Variants in IMMP2L observed in about 807,000 individuals in gnomAD.
IMMP2L encodes the protein mitochondrial inner membrane protease subunit 2.
A neutral mutation model predicts 19.3 loss-of-function variants in IMMP2L; 18 were observed. The ratio of observed to expected loss-of-function variants is 0.93; its 90% CI spans 0.64 to 1.38. The LOEUF is 1.38. Among genes scored for constraint, IMMP2L ranks in the 40% most tolerant of loss-of-function variants. IMMP2L has a pLI of 0.00. For missense variants in IMMP2L, 233 were observed against 218.2 expected, an observed-to-expected ratio of 1.07 and a Z score of -0.43; for synonymous variants, 76 against 73.0, an observed-to-expected ratio of 1.04 and a Z score of -0.21.
chr7:110,825,430 C>T (rs1438325517), intron 5 of IMMP2L, among the ~76,000 whole-genome samples: 1 of 152,138 alleles, frequency 6.6e-6, no homozygotes, highest in Non-Finnish European at 1.5e-5. Context: ...TACCTGACTT[C>T]AAACTATACT....
intron 3 of IMMP2L, among the ~76,000 whole-genome samples, chr7:111,461,766 G>A (rs147441764): frequency 6.6e-4 from 100 of 152,096 alleles, no homozygotes; most frequent in Non-Finnish European, 1.3e-3. Flanking sequence ...CTACAGGAAT[G>A]TTTTTCATAT....
At position 111,122,071 on chromosome 7, in the gene IMMP2L, G is replaced by A. The variant is rs527338173; in HGVS notation, c.240-158506C>T. ...AGGAAGGGGAACATCACACACCGGG[G>A]CCTGTTGTGGGGTGGGGGGAGGGAT... On this transcript the variant is annotated intron_variant, in intron 3 of 5. Coordinates refer to ENST00000405709, the MANE Select transcript of IMMP2L (RefSeq NM_032549.4). Among the ~76,000 whole-genome samples, 3 of 140,594 alleles carry A rather than the reference G, an allele frequency of 2.1e-5. No homozygotes were observed. The East Asian group carries it at 6.8e-4, about 32-fold the overall frequency. 92.2% of individuals were successfully genotyped at this position (140,594 alleles called of 152,430 possible).
chr7:111,403,008 CGCCAGGCTCAGGTGATCCT>C (rs1563149356), intron 3 of IMMP2L, among the ~76,000 whole-genome samples: 5 of 117,830 alleles, frequency 4.2e-5, no homozygotes, highest in African/African-American at 1.8e-4. Flanking sequence ...CCCCCCACCC[CGCCAGGCTCAGGTGATCCT>C]CCCACCTCAG....
intron 3 of IMMP2L, among the ~76,000 whole-genome samples, chr7:111,338,780 T>C (rs1257177595): frequency 6.6e-6 from 1 of 152,064 alleles, no homozygotes; most frequent in Non-Finnish European, 1.5e-5. Flanking sequence ...GAGAAAGAAC[T>C]AGCAATAGAA....
At chr7:111,081,876 G>C (rs1795912877) in intron 3 of IMMP2L, among the ~76,000 whole-genome samples, 2 of 152,186 alleles carry the variant, frequency 1.3e-5, no homozygotes, top group South Asian at 4.1e-4. Flanking sequence ...ATACTGTAAT[G>C]AAAGTCCCGC....
chr7:110,812,435 G>A (rs1802112284), intron 5 of IMMP2L, among the ~76,000 whole-genome samples: 1 of 151,968 alleles, frequency 6.6e-6, no homozygotes, highest in Admixed American at 6.6e-5. Context: ...TGGAAGTGGT[G>A]GGCTTAAGAA....
chr7:110,945,507 C>T (rs1817163674), intron 4 of IMMP2L, among the ~76,000 whole-genome samples: 1 of 151,938 alleles, frequency 6.6e-6, no homozygotes, highest in African/African-American at 2.4e-5. Flanking sequence ...AAAGTATCTG[C>T]CACTGAGCAT....
At position 110,750,894 on chromosome 7, in the gene IMMP2L, T is replaced by C. The variant is rs7783134; in HGVS notation, c.409-87173A>G. ...ATATTTTAATGAAATATTTTTAAAA[T>C]CAAAAAGCAGAAAATCCATGATGAA... On this transcript the variant is annotated intron_variant, in intron 5 of 5. Coordinates refer to ENST00000405709, the MANE Select transcript of IMMP2L (RefSeq NM_032549.4). 3.8e-4 allele frequency among the ~76,000 whole-genome samples: 57 copies of C among 151,880 alleles called. 1 individual carries two copies. Among genetic ancestry groups the C allele is most frequent in the African/African-American group, 1.4e-3 (57 of 41,450 alleles).
intron 4 of IMMP2L, among the ~76,000 whole-genome samples, chr7:110,948,555 T>C (rs1817485225): frequency 6.6e-6 from 1 of 152,224 alleles, no homozygotes; most frequent in South Asian, 2.1e-4. Flanking sequence ...TACAGAATTT[T>C]CTCAACTGCA....
At chr7:111,251,056 GAAAC>G (rs1057044219) in intron 3 of IMMP2L, among the ~76,000 whole-genome samples, 8 of 151,110 alleles carry the variant, frequency 5.3e-5, no homozygotes, top group African/African-American at 1.9e-4. Context: ...AAATTTACAG[GAAAC>G]AAACAACCCC....
chr7:110,853,169 T>A (rs182450422), intron 5 of IMMP2L, among the ~76,000 whole-genome samples: 2 of 151,964 alleles, frequency 1.3e-5, no homozygotes, highest in Admixed American at 1.3e-4. Context: ...TATACAGGCA[T>A]AGAAATAAGA....
At chr7:111,229,157 T>C (rs554048539) in intron 3 of IMMP2L, among the ~76,000 whole-genome samples, 1 of 152,172 alleles carries the variant, frequency 6.6e-6, no homozygotes, top group Admixed American at 6.6e-5. Flanking sequence ...ACAAAGTAAC[T>C]TCTTTCCACA....
rs114234905 is a variant in IMMP2L at position 111,368,175 on chromosome 7, A to G, written c.239+119063T>C. Among the ~76,000 whole-genome samples, 175 of 151,994 alleles carry G rather than the reference A, an allele frequency of 1.2e-3. 2 individuals carry two copies. The highest frequency in any genetic ancestry group is 3.9e-3 in the African/African-American group (162 of 41,526). On this transcript the variant is annotated intron_variant, in intron 3 of 5. Coordinates refer to ENST00000405709, the MANE Select transcript of IMMP2L (RefSeq NM_032549.4). ...AAGAGTTTTCCAGCACAATAGAATTATCAGGTGTATTAAGTGGATATGTCA... is the reference window on the plus strand; with the variant it reads ...AAGAGTTTTCCAGCACAATAGAATTGTCAGGTGTATTAAGTGGATATGTCA...
chr7:111,009,738 G>C (rs1173669160), intron 3 of IMMP2L, among the ~76,000 whole-genome samples: 1 of 152,044 alleles, frequency 6.6e-6, no homozygotes, highest in Non-Finnish European at 1.5e-5. Context: ...ACAGTCTAAA[G>C]GCTCACAAAG....
At chr7:111,328,689 G>T (rs1335533240) in intron 3 of IMMP2L, among the ~76,000 whole-genome samples, 1 of 151,776 alleles carries the variant, frequency 6.6e-6, no homozygotes, top group South Asian at 2.1e-4. Flanking sequence ...ATGCTGAAGG[G>T]CAAGAGAGAG....
chr7:110,777,922 C>T (rs1389845649), intron 5 of IMMP2L, among the ~76,000 whole-genome samples: 1 of 151,896 alleles, frequency 6.6e-6, no homozygotes, highest in Non-Finnish European at 1.5e-5. Flanking sequence ...TTCTGTTAGT[C>T]TAAAAAGGGA....
chr7:110,855,375 G>A (rs1444259514), intron 5 of IMMP2L, among the ~76,000 whole-genome samples: 1 of 151,968 alleles, frequency 6.6e-6, no homozygotes, highest in Non-Finnish European at 1.5e-5. Flanking sequence ...GTACAGTGTA[G>A]TATGATATGT....
chr7:110,716,918 T>C (rs1795266953), intron 5 of IMMP2L, among the ~76,000 whole-genome samples: 1 of 152,222 alleles, frequency 6.6e-6, no homozygotes, highest in Admixed American at 6.5e-5. Context: ...ATGATAGTGT[T>C]AGTCACTGAA....
Position 111,142,013 on chromosome 7 carries a change from C to CA in IMMP2L, c.240-178449dup, listed in dbSNP as rs555831861. Reference sequence around the variant, plus strand: ...GCCACTGTGCCTAAAGATCAGTATTCAATTTTGCATACATGAAAATCTGAA... The same window carrying CA: ...GCCACTGTGCCTAAAGATCAGTATTCAAATTTTGCATACATGAAAATCTGAA... On this transcript the variant is annotated intron_variant, in intron 3 of 5. Coordinates refer to ENST00000405709, the MANE Select transcript of IMMP2L (RefSeq NM_032549.4). Among the ~76,000 whole-genome samples, 3 of 152,224 alleles carry CA rather than the reference C, an allele frequency of 2.0e-5. No individual in the cohort carries two copies. In the South Asian group the frequency reaches 6.2e-4, roughly 32 times the overall value.
Sources: allele counts gnomAD v4.1 joint callset (sites outside exome capture counted in the v4.1 genomes callset), GRCh38; gene constraint gnomAD v4.1.1; transcripts MANE v1.5; gene names NCBI Gene and HGNC (gene_info 2026-07-23, HGNC 2026-07-21).